The following TCP11L2 variants were observed in gnomAD, a reference collection of about 807,000 sequenced individuals.
TCP11L2 encodes T-complex protein 11-like protein 2.
TCP11L2 carries 39 observed loss-of-function variants against 50.7 expected under a neutral mutation model. The observed-to-expected ratio is 0.77, with a 90% CI of 0.60 to 1.01. The LOEUF is 1.01. Ranked by LOEUF, TCP11L2 falls within the 50% of genes least tolerant of loss-of-function variation. The pLI, the probability that TCP11L2 is intolerant of heterozygous loss-of-function variation, is 0.00. For missense variants in TCP11L2, 612 were observed against 614.7 expected (o/e 1.00, Z 0.05); for synonymous variants, 192 against 219.3 (o/e 0.88, Z 1.10).
At chr12:106,343,625 C>A (rs1478429190) in intron 9 of TCP11L2, among the ~76,000 whole-genome samples, 1 of 151,790 alleles carries the variant, frequency 6.6e-6, no homozygotes, top group Non-Finnish European at 1.5e-5. Context: ...TTATGGATTA[C>A]CTGCTGTGTA....
At chr12:106,334,443 C>T (rs1290569855) in intron 6 of TCP11L2, among the ~76,000 whole-genome samples, 1 of 152,170 alleles carries the variant, frequency 6.6e-6, no homozygotes, top group African/African-American at 2.4e-5. Flanking sequence ...CTATTCTCTA[C>T]ATGTAAGTGG....
intron 7 of TCP11L2, 23 bp downstream of exon 7, chr12:106,335,849 C>A: frequency 6.2e-7 from 1 of 1,602,866 alleles, no homozygotes; most frequent in Non-Finnish European, 8.5e-7. Flanking sequence ...GTTCTTCACC[C>A]AAATTTCCCA....
chr12:106,329,347 G>A, intron 6 of TCP11L2: 1 of 1,536,112 alleles, frequency 6.5e-7, no homozygotes, highest in Non-Finnish European at 8.7e-7. Context: ...CGAGGTTGCA[G>A]GTGCCTCATG....
intron 6 of TCP11L2, chr12:106,329,629 A>C: frequency 7.7e-7 from 1 of 1,303,112 alleles, no homozygotes. Context: ...TCCCCAGGTG[A>C]TTCTAAAGTC....
intron 8 of TCP11L2, among the ~76,000 whole-genome samples, chr12:106,337,155 T>C (rs1030625984): frequency 2.6e-5 from 4 of 152,158 alleles, no homozygotes; most frequent in Non-Finnish European, 4.4e-5. Context: ...CCCTTTCAGG[T>C]GTCTTCAGAG....
rs2036079020 is a variant in TCP11L2 at position 106,340,979 on chromosome 12, T to G, written c.1296T>G (p.Asn432Lys). The G allele has an allele frequency of 6.2e-7, 1 of 1,604,600 alleles. No homozygotes were observed. The highest frequency in any genetic ancestry group is 1.7e-5 in the Admixed American group (1 of 57,174). ...GQFSSIEEED[N>K]PIWSLIDKRI... The stretch of plus-strand genomic sequence containing the variant: ...TTTCAAGCATTGAAGAGGAGGACAA[T>G]CCTATCTGGTCCTTGATTGGTGAGT... The change falls in exon 9 of 10, where the codon AAT becomes AAG. Residue 432 changes from asparagine to lysine, a missense_variant. Physicochemically the swap from Asn to Lys is moderately conservative, Grantham distance 94. Coordinates refer to ENST00000299045, the MANE Select transcript of TCP11L2 (RefSeq NM_152772.3).
intron 1 of TCP11L2, among the ~76,000 whole-genome samples, chr12:106,305,570 A>G (rs2034594217): frequency 6.6e-6 from 1 of 152,172 alleles, no homozygotes; most frequent in African/African-American, 2.4e-5. Context: ...TGAGGCAGAA[A>G]AGAAGGAAAA....
At chr12:106,322,358 A>G (rs2035371377) in intron 5 of TCP11L2, among the ~76,000 whole-genome samples, 1 of 152,204 alleles carries the variant, frequency 6.6e-6, no homozygotes, top group African/African-American at 2.4e-5. Flanking sequence ...GAAGTGACAC[A>G]TTCTCTTTGA....
intron 6 of TCP11L2, among the ~76,000 whole-genome samples, chr12:106,331,882 AT>A (rs1454263866): frequency 6.6e-6 from 1 of 152,192 alleles, no homozygotes; most frequent in Non-Finnish European, 1.5e-5. Flanking sequence ...TGCAATGCAA[AT>A]TTGACTCCCC....
chr12:106,298,336 T>A (rs1001005240), upstream of TCP11L2, among the ~76,000 whole-genome samples: 15 of 152,122 alleles, frequency 9.9e-5, no homozygotes, highest in African/African-American at 3.6e-4. Context: ...GGTATGCAGT[T>A]AATTTTTGAA....
chr12:106,318,456 A>G lies in TCP11L2; in HGVS notation c.406A>G (p.Ile136Val). The change falls in exon 4 of 10, where the codon ATC (isoleucine) becomes GTC (valine). Residue 136 changes from isoleucine (I) to valine (V), a missense_variant. Ile to Val is a conservative substitution (Grantham distance 29). Transcript: ENST00000299045. The part of the protein sequence containing the change: ...FEHAIKLFEE[I>V]REILLSFLTP... The stretch of plus-strand genomic sequence containing the variant: ...ACATGCCATCAAACTGTTTGAAGAA[A>G]TCAGAGAGGCAAGTTGCTTTGTTGT... 4 of 1,613,782 alleles carry G rather than the reference A, an allele frequency of 2.5e-6. No homozygotes were observed. Among genetic ancestry groups the G allele is most frequent in the Non-Finnish European group, 3.4e-6 (4 of 1,179,740 alleles).
In TCP11L2 at chr12:106,329,745, C is replaced by T; in HGVS notation, c.773-5894C>T. ...AATGATTAAACTTGCAGTATAAATG[C>T]TTATTACTGCCACATTGTAATTATA... On this transcript the variant is annotated intron_variant, in intron 6 of 9. Coordinates refer to ENST00000299045, the MANE Select transcript of TCP11L2 (RefSeq NM_152772.3). 6 of 1,022,066 alleles carry T rather than the reference C, an allele frequency of 5.9e-6. No homozygotes were observed. The South Asian group carries it at 1.3e-4, about 23-fold the overall frequency. The allele number at this position is 1,022,066 out of a possible 1,614,324, so 63.3% of individuals were successfully genotyped here. A position where few individuals can be genotyped will look rare whatever the true frequency, so the allele number is the denominator to read the frequency against.
chr12:106,312,183 T>C (rs1469625050), intron 2 of TCP11L2: 3 of 375,738 alleles, frequency 8.0e-6, no homozygotes, highest in Admixed American at 3.8e-5. Flanking sequence ...ATTGGTTTTA[T>C]GAATACTTAT....
chr12:106,314,046 G>A (rs1296217301), intron 2 of TCP11L2, among the ~76,000 whole-genome samples: 5 of 152,146 alleles, frequency 3.3e-5, no homozygotes, highest in African/African-American at 7.2e-5. Flanking sequence ...GATTACAGGC[G>A]TGAGCCACTG....
At chr12:106,326,398 G>C (rs907778094) in intron 6 of TCP11L2, among the ~76,000 whole-genome samples, 1 of 152,168 alleles carries the variant, frequency 6.6e-6, no homozygotes, top group Non-Finnish European at 1.5e-5. Context: ...GTGAAATTCT[G>C]TAGGGCAGAC....
chr12:106,334,513 C>T (rs919200416), intron 6 of TCP11L2, among the ~76,000 whole-genome samples: 1 of 152,186 alleles, frequency 6.6e-6, no homozygotes, highest in African/African-American at 2.4e-5. Context: ...CTTTACCCCT[C>T]ACTTCCACTG....
chr12:106,301,712 G>A (rs931173010), upstream of TCP11L2, among the ~76,000 whole-genome samples: 2 of 152,160 alleles, frequency 1.3e-5, no homozygotes, highest in African/African-American at 4.8e-5. Context: ...ATACAGCACC[G>A]ATTTACACCT....
intron 4 of TCP11L2, among the ~76,000 whole-genome samples, chr12:106,319,889 G>T (rs999467665): frequency 6.6e-6 from 1 of 152,170 alleles, no homozygotes; most frequent in Non-Finnish European, 1.5e-5. Context: ...CAATAAATAG[G>T]CTGCTTGTAT....
chr12:106,298,245 C>CA (rs921545698), upstream of TCP11L2, among the ~76,000 whole-genome samples: 10 of 150,312 alleles, frequency 6.7e-5, no homozygotes, highest in South Asian at 2.1e-4. Context: ...GGATATAGAA[C>CA]AAAAAAAAAT....
Sources: gnomAD v4.1 joint callset for allele counts (sites outside exome capture counted in the v4.1 genomes callset) on GRCh38, gnomAD v4.1.1 for gene constraint, MANE v1.5 for transcripts, NCBI Gene and HGNC (gene_info 2026-07-23, HGNC 2026-07-21) for gene names.